Variants in GOLM2 observed in about 807,000 individuals in gnomAD.
GOLM2 encodes protein GOLM2.
Under a neutral mutation model 55.9 loss-of-function variants are expected in GOLM2, and 26 were observed. The observed-to-expected ratio is 0.47, with a 90% CI of 0.34 to 0.65. GOLM2 has a LOEUF of 0.65. GOLM2 is among the 30% of genes least tolerant of loss of function. The pLI, the probability that GOLM2 is intolerant of heterozygous loss-of-function variation, is 0.01. For missense variants in GOLM2, 486 were observed against 531.8 expected, an observed-to-expected ratio of 0.91 and a Z score of 0.85; for synonymous variants, 165 against 194.6, an observed-to-expected ratio of 0.85 and a Z score of 1.27.
intron 4 of GOLM2, among the ~76,000 whole-genome samples, chr15:44,334,229 A>G (rs977343215): frequency 6.6e-6 from 1 of 152,184 alleles, no homozygotes; most frequent in Non-Finnish European, 1.5e-5. Flanking sequence ...TGGGTAGCAC[A>G]TCAGCCCTTA....
At chr15:44,300,505 G>A (rs555668604) in intron 1 of GOLM2, among the ~76,000 whole-genome samples, 19 of 152,150 alleles carry the variant, frequency 1.2e-4, no homozygotes, top group Non-Finnish European at 2.4e-4. Flanking sequence ...CATAAAACAA[G>A]CTGCTTTTTG....
chr15:44,344,017 G>A (rs2079105853), intron 6 of GOLM2, among the ~76,000 whole-genome samples: 2 of 150,338 alleles, frequency 1.3e-5, no homozygotes, highest in African/African-American at 4.9e-5. Flanking sequence ...GATTACAGCT[G>A]GATAGGCTGA....
chr15:44,376,497 C>G (rs2079365778), intron 6 of GOLM2, among the ~76,000 whole-genome samples: 1 of 152,062 alleles, frequency 6.6e-6, no homozygotes, highest in Non-Finnish European at 1.5e-5. Context: ...ATCTTCCTGC[C>G]TTGGCCTCCT....
intron 8 of GOLM2, among the ~76,000 whole-genome samples, chr15:44,391,062 A>G (rs2141203025): frequency 6.6e-6 from 1 of 152,322 alleles, no homozygotes; most frequent in South Asian, 2.1e-4. Context: ...ACTTGAATAA[A>G]CCAATAATCA....
intron 6 of GOLM2, among the ~76,000 whole-genome samples, chr15:44,370,578 A>G (rs1172961188): frequency 6.6e-6 from 1 of 151,962 alleles, no homozygotes; most frequent in Non-Finnish European, 1.5e-5. Flanking sequence ...CGTGGTCCCT[A>G]CTCTTAAACT....
chr15:44,391,209 A>T (rs564252205), intron 8 of GOLM2, among the ~76,000 whole-genome samples: 1 of 152,228 alleles, frequency 6.6e-6, no homozygotes, highest in Admixed American at 6.5e-5. Flanking sequence ...GTTCTTTGAA[A>T]AGGCAAGTGA....
chr15:44,413,325 T>G lies in GOLM2; in HGVS notation c.1241-11T>G. The stretch of plus-strand genomic sequence containing the variant: ...AAATAATATGTTGATACAAAATTAT[T>G]TTACTTACAGATGATGAAGAACGAG... On this transcript the variant is annotated splice_polypyrimidine_tract_variant and intron_variant, in intron 9 of 9. Coordinates refer to ENST00000299957, the MANE Select transcript of GOLM2 (RefSeq NM_138423.4). 1 of 1,593,344 alleles carries G rather than the reference T, an allele frequency of 6.3e-7. No homozygotes were observed. The highest frequency in any genetic ancestry group is 8.6e-7 in the Non-Finnish European group (1 of 1,166,858).
chr15:44,299,866 G>A (rs1256197398), intron 1 of GOLM2, among the ~76,000 whole-genome samples: 48 of 149,114 alleles, frequency 3.2e-4, no homozygotes, highest in Non-Finnish European at 6.8e-4. Context: ...AGCACTTTGG[G>A]TGGCTGAGGC....
chr15:44,308,224 C>A (rs1278219088), intron 1 of GOLM2: 2 of 152,122 alleles, frequency 1.3e-5, no homozygotes, highest in African/African-American at 4.8e-5. Flanking sequence ...ATTCCCATTG[C>A]CCTTCCCTCC....
intron 6 of GOLM2, among the ~76,000 whole-genome samples, chr15:44,376,905 C>T (rs542625030): frequency 6.6e-6 from 1 of 152,018 alleles, no homozygotes; most frequent in East Asian, 1.9e-4. Flanking sequence ...TTCAACAAAA[C>T]CAAGGCTGGG....
Position 44,369,079 on chromosome 15 carries a change from A to ATTATATATATATATATATACATAT in GOLM2, c.803-10610_803-10609insTATATATATATATATATACATATT, listed in dbSNP as rs796346928. ...ATAATAGGATATATTATATATATATATATATATATATATATATATATATAT... is the reference window on the plus strand; with the variant it reads ...ATAATAGGATATATTATATATATATATTATATATATATATATATACATATTATATATATATATATATATATATAT... On this transcript the variant is annotated intron_variant, in intron 6 of 9. Coordinates refer to ENST00000299957, the MANE Select transcript of GOLM2 (RefSeq NM_138423.4). 4.5e-4 allele frequency among the ~76,000 whole-genome samples: 29 copies of ATTATATATATATATATATACATAT among 64,494 alleles called. 1 individual carries two copies. The highest frequency in any genetic ancestry group is 2.3e-3 in the East Asian group (4 of 1,744). The allele number at this position is 64,494 out of a possible 152,430, so 42.3% of individuals were successfully genotyped here.
chr15:44,291,667 T>C (rs1029399248), intron 1 of GOLM2, among the ~76,000 whole-genome samples: 1 of 152,254 alleles, frequency 6.6e-6, no homozygotes. Flanking sequence ...GCTTCTGTTA[T>C]ACTGGACTCT....
At chr15:44,353,500 C>T (rs921438364) in intron 6 of GOLM2, among the ~76,000 whole-genome samples, 10 of 152,194 alleles carry the variant, frequency 6.6e-5, no homozygotes, top group South Asian at 4.2e-4. Flanking sequence ...TTGCACTATT[C>T]GCAGTAGCCA....
intron 1 of GOLM2, among the ~76,000 whole-genome samples, chr15:44,303,769 C>T (rs1201973235): frequency 6.8e-6 from 1 of 147,742 alleles, no homozygotes; most frequent in African/African-American, 2.5e-5. Flanking sequence ...CAGAGTCTCG[C>T]CCTGTCACCA....
chr15:44,308,601 A>G (rs1024542771), intron 1 of GOLM2: 5 of 151,824 alleles, frequency 3.3e-5, no homozygotes, highest in African/African-American at 1.2e-4. Flanking sequence ...GCCATATTCT[A>G]TATTTAACTT....
At chr15:44,307,088 C>G (rs10152314) in intron 1 of GOLM2, 9 of 154,580 alleles carry the variant, frequency 5.8e-5, no homozygotes, top group African/African-American at 2.2e-4. Flanking sequence ...TACATTTGCT[C>G]GATGCAGGGT....
intron 1 of GOLM2, among the ~76,000 whole-genome samples, chr15:44,316,283 C>A (rs1053309646): frequency 1.3e-5 from 2 of 151,974 alleles, no homozygotes; most frequent in African/African-American, 4.8e-5. Context: ...GTTGTCACAG[C>A]TACTGAGTTC....
At chr15:44,326,314 A>G (rs2078980579) in intron 2 of GOLM2, among the ~76,000 whole-genome samples, 1 of 151,492 alleles carries the variant, frequency 6.6e-6, no homozygotes, top group Non-Finnish European at 1.5e-5. Context: ...GAATATGCAA[A>G]GATAATGATT....
At chr15:44,347,967 C>A (rs1427056162) in intron 6 of GOLM2, among the ~76,000 whole-genome samples, 3 of 152,152 alleles carry the variant, frequency 2.0e-5, no homozygotes, top group Non-Finnish European at 4.4e-5. Context: ...CAGAAGGGAA[C>A]CTCCTGCCTT....
Sources: allele counts gnomAD v4.1 joint callset (sites outside exome capture counted in the v4.1 genomes callset), GRCh38; gene constraint gnomAD v4.1.1; transcripts MANE v1.5; gene names NCBI Gene and HGNC (gene_info 2026-07-23, HGNC 2026-07-21).